The following ERFE variants were observed in gnomAD, a reference collection of about 807,000 sequenced individuals.
ERFE encodes erythroferrone, also known as complement C1q tumor necrosis factor-related protein 15.
ERFE carries 25 observed loss-of-function variants against 26.6 expected under a neutral mutation model. The observed-to-expected ratio is 0.94, with a 90% CI of 0.69 to 1.31. The LOEUF (loss-of-function observed/expected upper bound fraction) is 1.31. Among genes scored for constraint, ERFE ranks in the 40% most tolerant of loss-of-function variants. The pLI is 0.00. For synonymous variants in ERFE, 206 were observed against 204.5 expected (o/e 1.01, Z -0.06); for missense variants, 447 against 440.2 (o/e 1.02, Z -0.14).
At position 238,161,585 on chromosome 2, in the gene ERFE, G is replaced by A. The variant is rs1252321966; in HGVS notation, c.199-9G>A. On this transcript the variant is annotated splice_polypyrimidine_tract_variant and intron_variant, in intron 1 of 7. Transcript: ENST00000546354. Reference sequence around the variant, plus strand: ...GGCCAACCGCCCTGCTGGGCTGGCTGTGTTCCAGGAGCCCACCGCTGAGCG... The same window carrying A: ...GGCCAACCGCCCTGCTGGGCTGGCTATGTTCCAGGAGCCCACCGCTGAGCG... The A allele has an allele frequency of 6.6e-7, 1 of 1,521,054 alleles. No homozygotes were observed. Among genetic ancestry groups the A allele is most frequent in the East Asian group, 2.5e-5 (1 of 40,098 alleles). 94.2% of individuals were successfully genotyped at this position (1,521,054 alleles called of 1,614,324 possible). A position where few individuals can be genotyped will look rare whatever the true frequency, so the allele number is the denominator to read the frequency against.
intron 2 of ERFE, among the ~76,000 whole-genome samples, chr2:238,162,160 C>T (rs553819107): frequency 2.6e-4 from 39 of 152,194 alleles, no homozygotes; most frequent in African/African-American, 8.4e-4. Context: ...ATGGAAAATA[C>T]GGGGTGTGGG....
chr2:238,160,481 T>C (rs1029230721), intron 1 of ERFE, among the ~76,000 whole-genome samples: 1 of 151,408 alleles, frequency 6.6e-6, no homozygotes, highest in Non-Finnish European at 1.5e-5. Flanking sequence ...TGGGAGGGGG[T>C]AGAGGGGAGA....
rs1019578615 is a variant in ERFE at position 238,161,733 on chromosome 2, G to A, written c.321+17G>A. Reference sequence around the variant, plus strand: ...AAGCTGAAGGTGAGGCCGGCATCCCGTCAGTGCCAGGCCGTGGGGGGTTCC... The same window carrying A: ...AAGCTGAAGGTGAGGCCGGCATCCCATCAGTGCCAGGCCGTGGGGGGTTCC... On this transcript the variant is annotated intron_variant, in intron 2 of 7. Coordinates refer to ENST00000546354, the MANE Select transcript of ERFE (RefSeq NM_001291832.2). The A allele has an allele frequency of 2.0e-5, 30 of 1,536,504 alleles. No individual in the cohort carries two copies. The highest frequency in any genetic ancestry group is 1.8e-4 in the African/African-American group (13 of 72,944).
At chr2:238,164,496 C>T in intron 6 of ERFE, 136 bp downstream of exon 6, 1 of 783,148 alleles carries the variant, frequency 1.3e-6, no homozygotes, top group Non-Finnish European at 2.1e-6. Flanking sequence ...CACCTTCTTC[C>T]AGGTCTCCCG....
At position 238,164,066 on chromosome 2, in the gene ERFE, C is replaced by A. The variant is rs190154482; in HGVS notation, c.688-9C>A. 610 of 1,412,930 alleles carry A rather than the reference C, an allele frequency of 4.3e-4. 2 individuals are homozygous for A. In the African/African-American group the frequency reaches 8.4e-3, roughly 19 times the overall value. The allele number at this position is 1,412,930 out of a possible 1,614,324, so 87.5% of individuals were successfully genotyped here. A position where few individuals can be genotyped will look rare whatever the true frequency, so the allele number is the denominator to read the frequency against. On this transcript the variant is annotated splice_polypyrimidine_tract_variant and intron_variant, in intron 4 of 7. Coordinates refer to ENST00000546354, the MANE Select transcript of ERFE (RefSeq NM_001291832.2). ...CGGGAGCCGGGGTGACCATCCGTGCCCCTCGCAGCCCGACGCCGAGGGTGC... is the reference window on the plus strand; with the variant it reads ...CGGGAGCCGGGGTGACCATCCGTGCACCTCGCAGCCCGACGCCGAGGGTGC...
chr2:238,165,388 G>A lies in ERFE; in HGVS notation c.888-218G>A, dbSNP rs371781424. On this transcript the variant is annotated intron_variant, in intron 6 of 7. Transcript: ENST00000546354. ...GCCAGGGCTTTGCTGCCTCTTGCTG[G>A]GCCCTCGCCTTGCCTTTCCCAATAC... 6.8e-4 allele frequency among the ~76,000 whole-genome samples: 103 copies of A among 152,320 alleles called. 2 individuals carry two copies. The South Asian group carries it at 0.021, about 30-fold the overall frequency.
At chr2:238,159,701 A>G (rs1170687827) in intron 1 of ERFE, among the ~76,000 whole-genome samples, 1 of 152,142 alleles carries the variant, frequency 6.6e-6, no homozygotes, top group Non-Finnish European at 1.5e-5. Flanking sequence ...TTTGGCCGTG[A>G]GTGGGTGATC....
intron 6 of ERFE, 94 bp downstream of exon 6, chr2:238,164,454 G>A (rs1465687521): frequency 1.6e-6 from 2 of 1,273,968 alleles, no homozygotes; most frequent in Admixed American, 2.0e-5. Context: ...GCTTCCGCCC[G>A]TTCACACCCC....
chr2:238,168,395 G>T lies in ERFE; in HGVS notation c.*1341G>T, dbSNP rs1415701547. ...GGCTACGAAGAACCTGGTGCCTCAG[G>T]ACCTCCTGGGAGCCAAGCTGGTCTG... On this transcript the variant is annotated 3_prime_UTR_variant, in exon 8 of 8. Coordinates refer to ENST00000546354, the MANE Select transcript of ERFE (RefSeq NM_001291832.2). 4 of 470,922 alleles carry T rather than the reference G, an allele frequency of 8.5e-6. No individual in the cohort carries two copies. Among genetic ancestry groups the T allele is most frequent in the Non-Finnish European group, 1.8e-5 (4 of 227,004 alleles). The allele number at this position is 470,922 out of a possible 1,614,324, so 29.2% of individuals were successfully genotyped here. A position where few individuals can be genotyped will look rare whatever the true frequency, so the allele number is the denominator to read the frequency against.
chr2:238,163,632 C>A, intron 3 of ERFE, 105 bp from the exon 4 acceptor site: 1 of 1,204,600 alleles, frequency 8.3e-7, no homozygotes, highest in Non-Finnish European at 1.0e-6. Context: ...CACCCCTGCG[C>A]CCGGCAGGCC....
chr2:238,166,176 G>T (rs572153633), intron 7 of ERFE, among the ~76,000 whole-genome samples: 18 of 152,344 alleles, frequency 1.2e-4, no homozygotes, highest in African/African-American at 4.3e-4. Flanking sequence ...GTAGAGAAAT[G>T]GACATAAAGG....
chr2:238,162,864 C>T (rs1472053761), intron 3 of ERFE, 26 bp downstream of exon 3: 2 of 1,519,152 alleles, frequency 1.3e-6, no homozygotes, highest in Non-Finnish European at 8.9e-7. Context: ...GGCTGGGACA[C>T]ACACACCCCG....
chr2:238,165,697 G>C lies in ERFE; in HGVS notation c.966+13G>C. On this transcript the variant is annotated intron_variant, in intron 7 of 7. Transcript: ENST00000546354. ...CCTGTACCTGCAGGTGAGTGCGGCA[G>C]GCTTGGGCATCGAGGGGCACCGCCT... is the stretch of plus-strand genomic sequence containing the variant. The C allele has an allele frequency of 3.2e-6, 5 of 1,545,256 alleles. No homozygotes were observed. Among genetic ancestry groups the C allele is most frequent in the Non-Finnish European group, 4.4e-6 (5 of 1,142,840 alleles).
rs1407541592 is a variant in ERFE at position 238,164,124 on chromosome 2, G to C, written c.737G>C (p.Ser246Thr). 1.4e-6 allele frequency: 2 copies of C among 1,456,878 alleles called. No homozygotes were observed. The highest frequency in any genetic ancestry group is 5.0e-5 in the Admixed American group (2 of 40,192). 90.2% of individuals were successfully genotyped at this position (1,456,878 alleles called of 1,614,324 possible). Reference protein sequence around the residue: ...FRRGPGLNLTSGQYRAPVAGF... With the variant: ...FRRGPGLNLTTGQYRAPVAGF... ...CGCGGCCCGGGCCTGAACTTGACCA[G>C]CGGCCAGTACAGGGCGCCCGTGGCT... is the stretch of plus-strand genomic sequence containing the variant. The change falls in exon 5 of 8, where the codon AGC becomes ACC. Residue 246 changes from serine (S) to threonine (T), a missense_variant. Physicochemically the swap from Ser to Thr is moderately conservative, Grantham distance 58. Transcript: ENST00000546354.
chr2:238,166,006 C>T (rs145072949), intron 7 of ERFE, among the ~76,000 whole-genome samples: 3 of 152,352 alleles, frequency 2.0e-5, no homozygotes, highest in East Asian at 3.9e-4. Context: ...CTGGCCACCA[C>T]AAGCCCGCTG....
rs778946458 is a variant in ERFE, at chr2:238,164,295, G to A, written c.822G>A (p.Gly274=). The A allele has an allele frequency of 4.0e-6, 6 of 1,517,170 alleles. No homozygotes were observed. The highest frequency in any genetic ancestry group is 8.8e-7 in the Non-Finnish European group (1 of 1,137,746). 94.0% of individuals were successfully genotyped at this position (1,517,170 alleles called of 1,614,324 possible). ...HVALGEPPRR[G]PPRPRDHLRL... ...CGCTCGGGGAGCCGCCGAGGAGGGG[G>A]CCGCCGCGCCCCCGGGACCACCTGC... Residue 274 remains glycine (G), a synonymous_variant, in exon 6 of 8, where the codon GGG becomes GGA. Transcript: ENST00000546354.
Position 238,168,854 on chromosome 2 carries a change from A to AAAG in ERFE, c.*1801_*1803dup, listed in dbSNP as rs1693095477. The AAAG allele has an allele frequency of 6.0e-6, 1 of 165,846 alleles. No homozygotes were observed. The highest frequency in any genetic ancestry group is 1.6e-4 in the South Asian group (1 of 6,450). The allele number at this position is 165,846 out of a possible 1,614,324, so 10.3% of individuals were successfully genotyped here. A position where few individuals can be genotyped will look rare whatever the true frequency, so the allele number is the denominator to read the frequency against. On this transcript the variant is annotated 3_prime_UTR_variant, in exon 8 of 8. Coordinates refer to ENST00000546354, the MANE Select transcript of ERFE (RefSeq NM_001291832.2). The stretch of plus-strand genomic sequence containing the variant: ...TCAGTGTGTTATGCAGCAATTTATT[A>AAAG]AAGTATTTATTGTCTAATAAATACT...
In ERFE at chr2:238,164,321, G is replaced by A; in HGVS notation, c.848G>A (p.Arg283His). ...RGPPRPRDHL[R>H]LLICIQSRCQ... ...CCGCCGCGCCCCCGGGACCACCTGCGCCTGCTCATCTGCATCCAGTCCCGG... is the reference window on the plus strand; with the variant it reads ...CCGCCGCGCCCCCGGGACCACCTGCACCTGCTCATCTGCATCCAGTCCCGG... The change falls in exon 6 of 8, where the codon CGC (arginine) becomes CAC (histidine). Residue 283 changes from arginine (R) to histidine (H), a missense_variant. Transcript: ENST00000546354. 4 of 1,533,492 alleles carry A rather than the reference G, an allele frequency of 2.6e-6. No individual in the cohort carries two copies. Among genetic ancestry groups the A allele is most frequent in the African/African-American group, 1.4e-5 (1 of 71,502 alleles). 95.0% of individuals were successfully genotyped at this position (1,533,492 alleles called of 1,614,324 possible).
intron 2 of ERFE, 63 bp downstream of exon 2, chr2:238,161,779 C>G (rs928288514): frequency 6.7e-7 from 1 of 1,488,140 alleles, no homozygotes; most frequent in African/African-American, 1.4e-5. Flanking sequence ...TCCTCATCCA[C>G]TCCCACTCCT....
Sources: allele counts gnomAD v4.1 joint callset (sites outside exome capture counted in the v4.1 genomes callset), GRCh38; gene constraint gnomAD v4.1.1; transcripts MANE v1.5; gene names NCBI Gene and HGNC (gene_info 2026-07-23, HGNC 2026-07-21).